Variants in SNX29 observed in about 807,000 individuals in gnomAD.
SNX29 encodes the protein sorting nexin-29.
Under a neutral mutation model 102.1 loss-of-function variants are expected in SNX29, and 78 were observed. That is an observed-to-expected ratio of 0.76 (90% CI 0.64 to 0.92). The LOEUF is 0.92. Ranked by LOEUF, SNX29 falls within the 40% of genes least tolerant of loss-of-function variation. The pLI, the probability that SNX29 is intolerant of heterozygous loss-of-function variation, is 0.00. For missense variants in SNX29, 1,280 were observed against 1,061.7 expected (o/e 1.21, Z -2.86); for synonymous variants, 580 against 414.5 (o/e 1.40, Z -4.85).
intron 19 of SNX29, among the ~76,000 whole-genome samples, chr16:12,487,254 TC>T (rs2088289749): frequency 6.6e-6 from 1 of 152,024 alleles, no homozygotes; most frequent in Non-Finnish European, 1.5e-5. Context: ...TGCGTTCTCA[TC>T]CCCAGCGATG....
chr16:12,433,420 C>G (rs1009880548), intron 18 of SNX29, among the ~76,000 whole-genome samples: 8 of 152,106 alleles, frequency 5.3e-5, no homozygotes, highest in Non-Finnish European at 7.4e-5. Flanking sequence ...CACCTGAGGT[C>G]AGGAGTTTGA....
chr16:12,101,996 T>C (rs2053042713), intron 11 of SNX29, among the ~76,000 whole-genome samples: 1 of 152,172 alleles, frequency 6.6e-6, no homozygotes, highest in South Asian at 2.1e-4. Flanking sequence ...AACTCCCACC[T>C]ATGAGTGAGA....
chr16:12,281,916 C>T (rs2079443096), intron 15 of SNX29, among the ~76,000 whole-genome samples: 1 of 151,708 alleles, frequency 6.6e-6, no homozygotes, highest in Non-Finnish European at 1.5e-5. Context: ...CAGATAGAAT[C>T]TGTTTCCATT....
intron 14 of SNX29, among the ~76,000 whole-genome samples, chr16:12,208,316 G>A (rs187973619): frequency 1.4e-3 from 211 of 152,310 alleles, no homozygotes; most frequent in African/African-American, 4.5e-3. Flanking sequence ...GGCCAGCTCT[G>A]CTGTCCCTGC....
chr16:12,303,271 A>G (rs1406312208), intron 15 of SNX29, among the ~76,000 whole-genome samples: 2 of 152,348 alleles, frequency 1.3e-5, no homozygotes, highest in Admixed American at 1.3e-4. Context: ...ACACTTGCCC[A>G]CGAACACCAG....
At chr16:12,550,601 C>A (rs75332076) in intron 20 of SNX29, among the ~76,000 whole-genome samples, 1 of 151,326 alleles carries the variant, frequency 6.6e-6, no homozygotes, top group South Asian at 2.1e-4. Context: ...ATACGTGCTT[C>A]TATGTGTAAT....
chr16:12,331,272 G>A (rs1437312831), intron 15 of SNX29, among the ~76,000 whole-genome samples: 1 of 152,214 alleles, frequency 6.6e-6, no homozygotes, highest in East Asian at 1.9e-4. Context: ...ACAGGACAGA[G>A]CCTTCTCTAC....
intron 18 of SNX29, among the ~76,000 whole-genome samples, chr16:12,456,346 A>G (rs1377893683): frequency 6.6e-6 from 1 of 152,234 alleles, no homozygotes; most frequent in East Asian, 1.9e-4. Flanking sequence ...GTAAACAGAC[A>G]GTGTCAACCT....
At chr16:12,278,816 G>A (rs1485744156) in intron 15 of SNX29, among the ~76,000 whole-genome samples, 1 of 151,954 alleles carries the variant, frequency 6.6e-6, no homozygotes, top group Non-Finnish European at 1.5e-5. Context: ...TAAAACATAG[G>A]GTTTATTTAG....
chr16:12,121,035 T>C (rs2053950165), intron 11 of SNX29, among the ~76,000 whole-genome samples: 1 of 152,196 alleles, frequency 6.6e-6, no homozygotes, highest in Non-Finnish European at 1.5e-5. Flanking sequence ...GGTGGCGTTT[T>C]AGCAGTGGGC....
At chr16:12,560,329 G>GCCCCCCCC (rs2078651803) in intron 20 of SNX29, among the ~76,000 whole-genome samples, 1 of 152,078 alleles carries the variant, frequency 6.6e-6, no homozygotes, top group Non-Finnish European at 1.5e-5. Context: ...ATAATGCTGG[G>GCCCCCCCC]TTTACCGAAG....
intron 18 of SNX29, among the ~76,000 whole-genome samples, chr16:12,459,908 G>A (rs2086706016): frequency 6.6e-6 from 1 of 152,210 alleles, no homozygotes; most frequent in South Asian, 2.1e-4. Flanking sequence ...TGACTAAGAA[G>A]ATAGAAGGAC....
intron 16 of SNX29, among the ~76,000 whole-genome samples, chr16:12,380,536 C>T (rs1197828195): frequency 2.3e-5 from 3 of 132,514 alleles, no homozygotes; most frequent in African/African-American, 5.6e-5. Flanking sequence ...CACCTGTCCA[C>T]CTACCACCCA....
chr16:12,300,887 T>A (rs1340009826), intron 15 of SNX29, among the ~76,000 whole-genome samples: 1 of 152,110 alleles, frequency 6.6e-6, no homozygotes, highest in Non-Finnish European at 1.5e-5. Flanking sequence ...CCAGTTGTGA[T>A]CACCAAAAAT....
intron 15 of SNX29, among the ~76,000 whole-genome samples, chr16:12,314,253 C>T (rs2080659040): frequency 6.6e-6 from 1 of 152,238 alleles, no homozygotes; most frequent in African/African-American, 2.4e-5. Context: ...CCTGCCTTGG[C>T]CTCCCAAAGT....
intron 3 of SNX29, among the ~76,000 whole-genome samples, chr16:12,009,741 A>T (rs1002960204): frequency 6.6e-6 from 1 of 152,148 alleles, no homozygotes; most frequent in South Asian, 2.1e-4. Flanking sequence ...TGGTTCATTG[A>T]AATTATTCCA....
chr16:12,136,846 T>G (rs1275509851), intron 13 of SNX29, among the ~76,000 whole-genome samples: 3 of 152,170 alleles, frequency 2.0e-5, no homozygotes, highest in African/African-American at 7.2e-5. Context: ...TTCAAGCAAT[T>G]CTCCTGCTTC....
At chr16:12,243,046 C>T (rs576444780) in intron 14 of SNX29, among the ~76,000 whole-genome samples, 1 of 152,152 alleles carries the variant, frequency 6.6e-6, no homozygotes, top group East Asian at 1.9e-4. Context: ...AGTGGCAGTT[C>T]ACATGTCCGT....
chr16:12,390,339 C>T (rs573576137), intron 16 of SNX29, among the ~76,000 whole-genome samples: 7 of 152,106 alleles, frequency 4.6e-5, no homozygotes, highest in South Asian at 2.1e-4. Context: ...AGACCAAAGC[C>T]GTGCTCATCT....
Sources: gnomAD v4.1 joint callset for allele counts (sites outside exome capture counted in the v4.1 genomes callset) on GRCh38, gnomAD v4.1.1 for gene constraint, MANE v1.5 for transcripts, NCBI Gene and HGNC (gene_info 2026-07-23, HGNC 2026-07-21) for gene names.